Variants in TUSC3 observed in about 807,000 individuals in gnomAD.
TUSC3 encodes the protein tumor suppressor candidate 3.
A neutral mutation model predicts 44.8 loss-of-function variants in TUSC3; 45 were observed. That is an observed-to-expected ratio of 1.00 (90% CI 0.79 to 1.29). The LOEUF (loss-of-function observed/expected upper bound fraction) is 1.29. TUSC3 is among the 50% of genes most tolerant of loss of function. The pLI, the probability that TUSC3 is intolerant of heterozygous loss-of-function variation, is 0.00. For synonymous variants in TUSC3, 212 were observed against 152.9 expected (o/e 1.39, Z -2.85); for missense variants, 519 against 437.9 (o/e 1.19, Z -1.65).
At chr8:15,803,154 A>T in the TUSC3 span, among the ~76,000 whole-genome samples, 1 of 152,212 alleles carries the variant, frequency 6.6e-6, no homozygotes, top group Non-Finnish European at 1.5e-5. Context: ...CGAAGTGAAC[A>T]GTGAGGGGTG....
intron 1 of TUSC3, among the ~76,000 whole-genome samples, chr8:15,592,747 T>G (rs148169620): frequency 2.0e-3 from 311 of 152,320 alleles, no homozygotes; most frequent in African/African-American, 7.2e-3. Context: ...CAATGCAAAA[T>G]GGACCAAAAC....
Position 15,486,218 on chromosome 8 carries a change from A to G in TUSC3, n.189+2735A>G, listed in dbSNP as rs568616174. ...TTTGTTATTTATGCAGCTATTTGTC[A>G]ACTGTAAAGCCGGCTATAATAAGTC... On this transcript the variant is annotated intron_variant and non_coding_transcript_variant, in intron 2 of 5. Transcript: ENST00000503191. Among the ~76,000 whole-genome samples the G allele has an allele frequency of 6.9e-4, 105 of 152,274 alleles. 1 individual carries two copies. The highest frequency in any genetic ancestry group is 2.7e-3 in the South Asian group (13 of 4,832).
At chr8:15,565,779 G>C (rs1264889453) in intron 1 of TUSC3, among the ~76,000 whole-genome samples, 1 of 152,068 alleles carries the variant, frequency 6.6e-6, no homozygotes, top group Non-Finnish European at 1.5e-5. Context: ...ATGTAAAGAG[G>C]GACCTGGAAA....
chr8:15,844,232 C>A, the TUSC3 span, among the ~76,000 whole-genome samples: 2 of 152,056 alleles, frequency 1.3e-5, no homozygotes, highest in African/African-American at 2.4e-5. Flanking sequence ...GTTATGTCTT[C>A]AGTTAATGGA....
In TUSC3 at chr8:15,497,838, G is replaced by A. The variant is rs892369651; in HGVS notation, n.189+14355G>A. On this transcript the variant is annotated intron_variant and non_coding_transcript_variant, in intron 2 of 5. Coordinates refer to the TUSC3 transcript ENST00000503191. ...CAGCTCACTGCAACCTCCGCCTCCC[G>A]GGTTCAAGTGATTCTCCTGCCTCAG... is the stretch of plus-strand genomic sequence containing the variant. Among the ~76,000 whole-genome samples the A allele has an allele frequency of 5.3e-5, 8 of 151,560 alleles. 1 individual carries two copies. Among genetic ancestry groups the A allele is most frequent in the Admixed American group, 2.6e-4 (4 of 15,228 alleles).
chr8:15,665,467 AT>A (rs1011729845), intron 5 of TUSC3, among the ~76,000 whole-genome samples: 1 of 150,710 alleles, frequency 6.6e-6, no homozygotes, highest in African/African-American at 2.4e-5. Flanking sequence ...TAAGGCTCAT[AT>A]TTTTTTTGTC....
chr8:15,538,641 A>T (rs187343946), upstream of TUSC3, among the ~76,000 whole-genome samples: 49 of 152,270 alleles, frequency 3.2e-4, no homozygotes, highest in East Asian at 6.2e-3. Context: ...TGAACTTTGT[A>T]TTGAAAAAAT....
rs560099091 is a variant in TUSC3 at position 15,449,143 on chromosome 8, C to A, written n.91+31838C>A. On this transcript the variant is annotated intron_variant and non_coding_transcript_variant, in intron 1 of 5. Coordinates refer to the TUSC3 transcript ENST00000503191. ...CAAGCTGGGAAGTGAAGCCTCTGGC[C>A]AGAAGCTGAAAACAGGTATTTCCAG... Among the ~76,000 whole-genome samples the A allele has an allele frequency of 3.3e-5, 5 of 152,178 alleles. No individual in the cohort carries two copies. In the East Asian group the frequency reaches 5.8e-4, roughly 18 times the overall value.
intron 1 of TUSC3, among the ~76,000 whole-genome samples, chr8:15,446,052 G>C (rs1011614622): frequency 6.6e-6 from 1 of 151,118 alleles, no homozygotes; most frequent in Non-Finnish European, 1.5e-5. Context: ...TTCTCAGAAG[G>C]GGTGGTGGGG....
the TUSC3 span, chr8:15,806,846 A>G: frequency 2.8e-3 from 2,788 of 993,970 alleles, 58 homozygotes; most frequent in African/African-American, 0.036. Flanking sequence ...GTAAACGTCT[A>G]GAGTCTTCAT....
At chr8:15,630,154 G>C in intron 2 of TUSC3, among the ~76,000 whole-genome samples, 1 of 152,120 alleles carries the variant, frequency 6.6e-6, no homozygotes, top group East Asian at 1.9e-4. Context: ...ATGGAAGGAT[G>C]TTACTATGGA....
chr8:15,834,628 T>A, the TUSC3 span, among the ~76,000 whole-genome samples: 1 of 152,214 alleles, frequency 6.6e-6, no homozygotes, highest in Non-Finnish European at 1.5e-5. Flanking sequence ...CTTTTTTCTA[T>A]GGATATGGCA....
intron 1 of TUSC3, among the ~76,000 whole-genome samples, chr8:15,555,750 A>G (rs1802236500): frequency 1.3e-5 from 2 of 151,740 alleles, no homozygotes; most frequent in African/African-American, 4.8e-5. Flanking sequence ...GTATCTAAAG[A>G]ATCTTGTAGA....
intron 2 of TUSC3, among the ~76,000 whole-genome samples, chr8:15,532,562 A>C (rs1801463368): frequency 6.6e-6 from 1 of 152,152 alleles, no homozygotes; most frequent in Non-Finnish European, 1.5e-5. Flanking sequence ...TAAGAAGTTT[A>C]AAAAGGGTGT....
chr8:15,554,070 T>G (rs1390478554), intron 1 of TUSC3, among the ~76,000 whole-genome samples: 1 of 151,562 alleles, frequency 6.6e-6, no homozygotes, highest in Non-Finnish European at 1.5e-5. Flanking sequence ...GAGGCCCACT[T>G]TCTCGGAGAT....
chr8:15,504,578 GAT>G (rs1158864721), intron 2 of TUSC3, among the ~76,000 whole-genome samples: 146 of 33,426 alleles, frequency 4.4e-3, no homozygotes, highest in Admixed American at 6.6e-3. Context: ...CAACTTTCAG[GAT>G]ATATATATAT....
intron 6 of TUSC3, among the ~76,000 whole-genome samples, chr8:15,718,847 A>C (rs940262458): frequency 6.6e-6 from 1 of 152,120 alleles, no homozygotes; most frequent in African/African-American, 2.4e-5. Context: ...TTTACTATAC[A>C]TCCTATCAGT....
chr8:15,532,873 A>T (rs1240809096), intron 2 of TUSC3, among the ~76,000 whole-genome samples: 1 of 151,682 alleles, frequency 6.6e-6, no homozygotes, highest in Non-Finnish European at 1.5e-5. Context: ...GCTCACTGCA[A>T]CCTCCACCTC....
At chr8:15,821,986 T>C in the TUSC3 span, among the ~76,000 whole-genome samples, 2 of 152,156 alleles carry the variant, frequency 1.3e-5, no homozygotes, top group Non-Finnish European at 2.9e-5. Context: ...AAGATGATGA[T>C]GATTTGATAA....
Sources: gnomAD v4.1 joint callset for allele counts (sites outside exome capture counted in the v4.1 genomes callset) on GRCh38, gnomAD v4.1.1 for gene constraint, MANE v1.5 for transcripts, NCBI Gene and HGNC (gene_info 2026-07-23, HGNC 2026-07-21) for gene names.